The following ELAVL2 variants were observed in gnomAD, a reference collection of about 807,000 sequenced individuals.
ELAVL2 encodes ELAV like RNA binding protein 2.
In ELAVL2, 4 loss-of-function variants were observed where a neutral mutation model predicts 34.6. The observed-to-expected ratio is 0.12, with a 90% CI of 0.06 to 0.26. The LOEUF is 0.26. Among genes scored for constraint, ELAVL2 ranks in the 10% least tolerant of loss-of-function variants. ELAVL2 has a pLI of 1.00. For missense variants in ELAVL2, 432 were observed against 442.8 expected (o/e 0.98, Z 0.22); for synonymous variants, 193 against 154.8 (o/e 1.25, Z -1.83).
At chr9:23,825,402 C>T (rs2065237122) in intron 1 of ELAVL2, among the ~76,000 whole-genome samples, 1 of 152,164 alleles carries the variant, frequency 6.6e-6, no homozygotes, top group African/African-American at 2.4e-5. Flanking sequence ...CTTCTGATTC[C>T]CCTTAATGAT....
chr9:23,772,447 G>T (rs1292716029), intron 1 of ELAVL2, among the ~76,000 whole-genome samples: 2 of 147,178 alleles, frequency 1.4e-5, no homozygotes. Context: ...GGCCAGTGAG[G>T]TTAACATTTT....
intron 1 of ELAVL2, among the ~76,000 whole-genome samples, chr9:23,778,228 A>G (rs1307915243): frequency 1.3e-5 from 2 of 152,214 alleles, no homozygotes; most frequent in Non-Finnish European, 2.9e-5. Context: ...AAGAAGGACA[A>G]AGGAAAAGTG....
chr9:23,786,623 G>C (rs1311320213), intron 1 of ELAVL2, among the ~76,000 whole-genome samples: 3 of 152,078 alleles, frequency 2.0e-5, no homozygotes, highest in Non-Finnish European at 4.4e-5. Flanking sequence ...GTATCACTCA[G>C]AAAGTTACCC....
At chr9:23,831,061 T>C (rs2065485451), upstream of ELAVL2, among the ~76,000 whole-genome samples, 1 of 152,198 alleles carries the variant, frequency 6.6e-6, no homozygotes, top group East Asian at 1.9e-4. Flanking sequence ...TTTCCAAAGT[T>C]AAAGGAAACC....
At chr9:23,820,212 A>G (rs72706959) in intron 1 of ELAVL2, among the ~76,000 whole-genome samples, 19,390 of 152,218 alleles carry the variant, frequency 0.13, 1,524 homozygotes, top group Middle Eastern at 0.19. Context: ...ACTTGAGGGA[A>G]TGGGGACATT....
chr9:23,805,010 C>A (rs904238063), intron 1 of ELAVL2, among the ~76,000 whole-genome samples: 5 of 152,090 alleles, frequency 3.3e-5, no homozygotes, highest in Non-Finnish European at 7.4e-5. Context: ...TTGGACTACC[C>A]AAGGACAACA....
intron 1 of ELAVL2, among the ~76,000 whole-genome samples, chr9:23,800,954 T>G (rs2061499645): frequency 1.3e-5 from 2 of 152,150 alleles, no homozygotes; most frequent in Admixed American, 1.3e-4. Context: ...GGCACCTTAT[T>G]TGAGGGCTTT....
the ELAVL2 span, among the ~76,000 whole-genome samples, chr9:23,838,794 C>G: frequency 6.6e-6 from 1 of 152,052 alleles, no homozygotes; most frequent in Non-Finnish European, 1.5e-5. Context: ...GCTTATATTT[C>G]TATGGCATAT....
At chr9:23,783,708 C>G (rs955291799) in intron 1 of ELAVL2, among the ~76,000 whole-genome samples, 1 of 151,632 alleles carries the variant, frequency 6.6e-6, no homozygotes, top group African/African-American at 2.4e-5. Context: ...ACTGTCTAAG[C>G]AAAGAAGGGA....
chr9:23,820,391 C>T (rs745770190), intron 1 of ELAVL2, among the ~76,000 whole-genome samples: 2 of 152,112 alleles, frequency 1.3e-5, no homozygotes, highest in Non-Finnish European at 2.9e-5. Flanking sequence ...TTCTAAGAAC[C>T]GTTCTTTGAG....
chr9:23,693,036 G>T, intron 6 of ELAVL2, 152 bp from the exon 7 acceptor site: 2 of 735,156 alleles, frequency 2.7e-6, no homozygotes, highest in Non-Finnish European at 2.2e-6. Flanking sequence ...TTTGACCAAG[G>T]TCTGTGTGTG....
upstream of ELAVL2, among the ~76,000 whole-genome samples, chr9:23,827,548 A>T (rs1404785477): frequency 2.0e-5 from 3 of 152,136 alleles, no homozygotes; most frequent in Non-Finnish European, 4.4e-5. Flanking sequence ...TGTAAATGTA[A>T]TGTACACATT....
intron 2 of ELAVL2, among the ~76,000 whole-genome samples, chr9:23,749,983 T>TCA (rs1162868827): frequency 6.7e-6 from 1 of 149,872 alleles, no homozygotes; most frequent in African/African-American, 2.5e-5. Context: ...TCTCAAGGAG[T>TCA]CACTGGTCAT....
intron 3 of ELAVL2, among the ~76,000 whole-genome samples, chr9:23,723,927 A>T (rs955712811): frequency 1.3e-5 from 2 of 152,134 alleles, no homozygotes; most frequent in African/African-American, 4.8e-5. Flanking sequence ...TATACAAGTT[A>T]TTACTTCTGT....
chr9:23,820,203 C>T (rs2064357100), intron 1 of ELAVL2, among the ~76,000 whole-genome samples: 1 of 152,184 alleles, frequency 6.6e-6, no homozygotes, highest in Non-Finnish European at 1.5e-5. Context: ...ACAGATTTTA[C>T]TTGAGGGAAT....
chr9:23,732,081 G>C (rs1161098428), intron 2 of ELAVL2, among the ~76,000 whole-genome samples: 3 of 152,158 alleles, frequency 2.0e-5, no homozygotes, highest in African/African-American at 7.2e-5. Flanking sequence ...AATGGCATAA[G>C]AAAAGTTTAG....
At chr9:23,709,118 G>A (rs1190287983) in intron 3 of ELAVL2, among the ~76,000 whole-genome samples, 3 of 152,128 alleles carry the variant, frequency 2.0e-5, no homozygotes, top group Admixed American at 6.6e-5. Flanking sequence ...GTAAGAAAGG[G>A]TAATTGCCTT....
chr9:23,814,821 T>C (rs2063492337), intron 1 of ELAVL2, among the ~76,000 whole-genome samples: 1 of 152,172 alleles, frequency 6.6e-6, no homozygotes, highest in Non-Finnish European at 1.5e-5. Flanking sequence ...AATTCTTACT[T>C]TTGAAAAGCA....
chr9:23,760,265 T>G (rs2135956151), intron 2 of ELAVL2, among the ~76,000 whole-genome samples: 1 of 152,150 alleles, frequency 6.6e-6, no homozygotes, highest in Middle Eastern at 3.4e-3. Flanking sequence ...TATTTTCATC[T>G]TATAAAATGA....
Sources: allele counts gnomAD v4.1 joint callset (sites outside exome capture counted in the v4.1 genomes callset), GRCh38; gene constraint gnomAD v4.1.1; transcripts MANE v1.5; gene names NCBI Gene and HGNC (gene_info 2026-07-23, HGNC 2026-07-21).